The following LITAF variants were observed in gnomAD, a reference collection of about 807,000 sequenced individuals.
LITAF encodes lipopolysaccharide induced TNF factor.
A neutral mutation model predicts 14.5 loss-of-function variants in LITAF; 9 were observed. The observed-to-expected ratio is 0.62, with a 90% CI of 0.37 to 1.08. The LOEUF (loss-of-function observed/expected upper bound fraction) is 1.08, where lower values mean the gene tolerates loss of function less well. Ranked by LOEUF, LITAF falls within the 50% of genes least tolerant of loss-of-function variation. The pLI is 0.01. For missense variants in LITAF, 206 were observed against 213.4 expected (o/e 0.97, Z 0.22); for synonymous variants, 98 against 88.2 (o/e 1.11, Z -0.62).
upstream of LITAF, among the ~76,000 whole-genome samples, chr16:11,638,241 T>C (rs2065151140): frequency 6.6e-6 from 1 of 151,278 alleles, no homozygotes; most frequent in Admixed American, 6.7e-5. Context: ...GGAACAGTAA[T>C]AGTCCACTTC....
intron 1 of LITAF, among the ~76,000 whole-genome samples, chr16:11,573,173 G>A (rs7186268): frequency 0.7 from 106,550 of 151,858 alleles, 37,607 homozygotes; most frequent in Non-Finnish European, 0.72. Flanking sequence ...CAAGCGATCC[G>A]CCTGCCTCGG....
chr16:11,562,432 C>G (rs1420886692), intron 1 of LITAF, among the ~76,000 whole-genome samples: 1 of 151,790 alleles, frequency 6.6e-6, no homozygotes, highest in Non-Finnish European at 1.5e-5. Context: ...CAAATGTGAC[C>G]GGTGGTGACA....
intron 1 of LITAF, among the ~76,000 whole-genome samples, chr16:11,559,746 G>A (rs2064329874): frequency 1.3e-5 from 2 of 151,010 alleles, no homozygotes; most frequent in African/African-American, 2.4e-5. Flanking sequence ...TGTCATCCCA[G>A]CACTTTGGGA....
upstream of LITAF, among the ~76,000 whole-genome samples, chr16:11,599,574 T>C (rs564904158): frequency 6.6e-6 from 1 of 152,112 alleles, no homozygotes; most frequent in Non-Finnish European, 1.5e-5. Flanking sequence ...AAAATGGTCC[T>C]AGCCAAGCAA....
intron 3 of LITAF, among the ~76,000 whole-genome samples, chr16:11,611,726 G>C (rs1026878799): frequency 1.1e-4 from 17 of 149,802 alleles, no homozygotes; most frequent in Admixed American, 6.0e-4. Flanking sequence ...GCAGTGGTGC[G>C]ATCTCGCCTC....
chr16:11,608,655 G>A (rs1388544981), intron 3 of LITAF, among the ~76,000 whole-genome samples: 3 of 152,190 alleles, frequency 2.0e-5, no homozygotes, highest in African/African-American at 4.8e-5. Context: ...CTGAGTGAGA[G>A]AAGTCAGGTG....
At chr16:11,555,326 G>C (rs1399389426) in intron 2 of LITAF, among the ~76,000 whole-genome samples, 8 of 152,140 alleles carry the variant, frequency 5.3e-5, no homozygotes, top group African/African-American at 1.9e-4. Flanking sequence ...ACCACACCCT[G>C]TTCATACATT....
At chr16:11,608,598 A>G (rs1447964951) in intron 3 of LITAF, among the ~76,000 whole-genome samples, 1 of 152,236 alleles carries the variant, frequency 6.6e-6, no homozygotes, top group Non-Finnish European at 1.5e-5. Context: ...GAAAAGAATA[A>G]AGCACTGATA....
At chr16:11,582,449 A>G (rs2064752952) in intron 1 of LITAF, among the ~76,000 whole-genome samples, 1 of 152,162 alleles carries the variant, frequency 6.6e-6, no homozygotes, top group Admixed American at 6.6e-5. Flanking sequence ...TCAACACATA[A>G]AAGGGCAAGG....
chr16:11,617,667 C>T (rs1351853347), intron 3 of LITAF, among the ~76,000 whole-genome samples: 2 of 151,702 alleles, frequency 1.3e-5, no homozygotes, highest in Admixed American at 6.6e-5. Flanking sequence ...CCTTGTCATC[C>T]GCCCGCCTCG....
At chr16:11,601,516 T>C (rs2064926156), upstream of LITAF, among the ~76,000 whole-genome samples, 1 of 152,202 alleles carries the variant, frequency 6.6e-6, no homozygotes, top group African/African-American at 2.4e-5. Context: ...CATAGTATTT[T>C]CTTAAAAATC....
upstream of LITAF, among the ~76,000 whole-genome samples, chr16:11,637,984 CTATATATATCTA>C (rs2065146903): frequency 2.1e-5 from 1 of 48,164 alleles, no homozygotes; most frequent in Non-Finnish European, 3.5e-5. Flanking sequence ...CTATATATAT[CTATATATATCTA>C]TATATATCTA....
chr16:11,615,195 G>A (rs1845710083), intron 3 of LITAF, among the ~76,000 whole-genome samples: 1 of 152,198 alleles, frequency 6.6e-6, no homozygotes, highest in Admixed American at 6.5e-5. Flanking sequence ...GCGACACCCA[G>A]AGCCCCATCT....
chr16:11,611,002 G>A (rs1469874857), intron 3 of LITAF, among the ~76,000 whole-genome samples: 1 of 151,978 alleles, frequency 6.6e-6, no homozygotes, highest in African/African-American at 2.4e-5. Context: ...GAAAAGTCAA[G>A]GAGAAGGCGC....
In LITAF at chr16:11,553,354, T is replaced by A; in HGVS notation, c.377+179A>T. The stretch of plus-strand genomic sequence containing the variant: ...TGAACCTGAGCAGTGGGGGTTACAG[T>A]GAGCCGAGATCGCCCCACTGTACTC... On this transcript the variant is annotated intron_variant, in intron 3 of 3. Transcript: ENST00000622633. The surrounding 1 kb of genome is among the most constrained non-coding windows in gnomAD (Gnocchi z 7.7). 1.5e-6 allele frequency: 1 copy of A among 658,370 alleles called. No homozygotes were observed. The highest frequency in any genetic ancestry group is 2.6e-6 in the Non-Finnish European group (1 of 378,362). 40.8% of individuals were successfully genotyped at this position (658,370 alleles called of 1,614,324 possible).
At chr16:11,638,034 A>C (rs28649015), upstream of LITAF, among the ~76,000 whole-genome samples, 10 of 102,046 alleles carry the variant, frequency 9.8e-5, no homozygotes, top group African/African-American at 3.5e-4. Flanking sequence ...CTATATATCT[A>C]TATATATCTA....
At chr16:11,616,911 C>CAAAAAA (rs766801773) in intron 3 of LITAF, among the ~76,000 whole-genome samples, 1 of 83,090 alleles carries the variant, frequency 1.2e-5, no homozygotes, top group African/African-American at 4.4e-5. Context: ...GACTCTATCT[C>CAAAAAA]AAAAAAAAAA....
At chr16:11,562,954 A>T (rs868534522) in intron 1 of LITAF, among the ~76,000 whole-genome samples, 16 of 151,802 alleles carry the variant, frequency 1.1e-4, no homozygotes, top group Middle Eastern at 6.8e-3. Flanking sequence ...ATCTTTAAAA[A>T]TTTTTTTTAA....
intron 1 of LITAF, among the ~76,000 whole-genome samples, chr16:11,571,873 G>T (rs369616110): frequency 3.8e-4 from 58 of 152,222 alleles, no homozygotes; most frequent in African/African-American, 1.3e-3. Context: ...GAGGTGGGGA[G>T]ATCACTTGAA....
Sources: gnomAD v4.1 joint callset for allele counts (sites outside exome capture counted in the v4.1 genomes callset) on GRCh38, gnomAD v4.1.1 for gene constraint, Gnocchi (gnomAD v3.1) non-coding constraint, MANE v1.5 for transcripts, NCBI Gene and HGNC (gene_info 2026-07-23, HGNC 2026-07-21) for gene names.